Variants in PDE10A observed in about 807,000 individuals in gnomAD.
The protein encoded by PDE10A is phosphodiesterase 10A.
A neutral mutation model predicts 97.7 loss-of-function variants in PDE10A; 39 were observed. The ratio of observed to expected loss-of-function variants is 0.40; its 90% CI spans 0.31 to 0.52. The LOEUF is 0.52. Ranked by LOEUF, PDE10A falls within the 20% of genes least tolerant of loss-of-function variation. The pLI, the probability that PDE10A is intolerant of heterozygous loss-of-function variation, is 0.56. For synonymous variants in PDE10A, 371 were observed against 376.8 expected, an observed-to-expected ratio of 0.98 and a Z score of 0.18; for missense variants, 731 against 1,047.8, an observed-to-expected ratio of 0.70 and a Z score of 4.17.
chr6:165,419,737 C>T (rs1788563135), intron 10 of PDE10A, among the ~76,000 whole-genome samples: 1 of 152,158 alleles, frequency 6.6e-6, no homozygotes, highest in African/African-American at 2.4e-5. Context: ...ATTCTGGTAA[C>T]TTCAACTATC....
chr6:165,498,423 C>CCAAA (rs1780667906), intron 2 of PDE10A, among the ~76,000 whole-genome samples: 1 of 22,866 alleles, frequency 4.4e-5, no homozygotes, highest in African/African-American at 1.3e-4. Flanking sequence ...ACCCTGTCTC[C>CCAAA]AAAAAAAAAA....
At position 165,821,889 on chromosome 6, in the gene PDE10A, G is replaced by A. The variant is rs567452307; in HGVS notation, c.-615+165640C>T. Among the ~76,000 whole-genome samples, 13 of 123,160 alleles carry A rather than the reference G, an allele frequency of 1.1e-4. No individual in the cohort carries two copies. The South Asian group carries it at 3.6e-3, about 34-fold the overall frequency. 80.8% of individuals were successfully genotyped at this position (123,160 alleles called of 152,430 possible). ...ACTCATGGTCAGTTAACTGAATTGAGTGAGGTGCCGGGTTTTTTTTTCCCT... is the reference window on the plus strand; with the variant it reads ...ACTCATGGTCAGTTAACTGAATTGAATGAGGTGCCGGGTTTTTTTTTCCCT... On this transcript the variant is annotated intron_variant, in intron 1 of 19. Transcript: ENST00000366882.
chr6:165,515,368 AAAT>A (rs1268300440), intron 2 of PDE10A, among the ~76,000 whole-genome samples: 1 of 152,098 alleles, frequency 6.6e-6, no homozygotes, highest in Non-Finnish European at 1.5e-5. Flanking sequence ...AACATCCAAT[AAAT>A]AATTACATGA....
chr6:165,926,048 TA>T (rs1782925418), intron 1 of PDE10A, among the ~76,000 whole-genome samples: 1 of 152,226 alleles, frequency 6.6e-6, no homozygotes, highest in Non-Finnish European at 1.5e-5. Context: ...TTTCTTAAAA[TA>T]AAAGTTTAAA....
intron 2 of PDE10A, among the ~76,000 whole-genome samples, chr6:165,516,808 C>T (rs1450996281): frequency 1.3e-5 from 2 of 152,016 alleles, no homozygotes; most frequent in Non-Finnish European, 2.9e-5. Flanking sequence ...TCCCTTTAAC[C>T]ATGTTCTTAC....
Position 165,661,608 on chromosome 6 carries a change from C to A in PDE10A, c.865+339G>T. 1 of 289,480 alleles carries A rather than the reference C, an allele frequency of 3.5e-6. No individual in the cohort carries two copies. Among genetic ancestry groups the A allele is most frequent in the East Asian group, 7.4e-5 (1 of 13,594 alleles). 17.9% of individuals were successfully genotyped at this position (289,480 alleles called of 1,614,324 possible). The stretch of plus-strand genomic sequence containing the variant: ...GTGGTCACAAAGTTGAGTATAAATA[C>A]GCGCCGGACAAGTGTGGCCAGAAAC... On this transcript the variant is annotated intron_variant, in intron 1 of 21. Coordinates refer to ENST00000539869, the MANE Select transcript of PDE10A (RefSeq NM_001385079.1). The surrounding 1 kb of genome is among the most constrained non-coding windows in gnomAD (Gnocchi z 4.8).
intron 18 of PDE10A, among the ~76,000 whole-genome samples, chr6:165,351,027 C>T (rs771931117): frequency 6.6e-6 from 1 of 152,074 alleles, no homozygotes; most frequent in Non-Finnish European, 1.5e-5. Flanking sequence ...TCTAGGATCC[C>T]AAATTCACTT....
At chr6:165,806,704 T>A (rs1380707588) in intron 1 of PDE10A, among the ~76,000 whole-genome samples, 3 of 151,400 alleles carry the variant, frequency 2.0e-5, no homozygotes, top group African/African-American at 7.3e-5. Flanking sequence ...GTGCAGCCAA[T>A]GTGACTTGCT....
At chr6:165,794,121 A>G (rs1052225976) in intron 1 of PDE10A, among the ~76,000 whole-genome samples, 1 of 151,370 alleles carries the variant, frequency 6.6e-6, no homozygotes, top group African/African-American at 2.4e-5. Flanking sequence ...AGGCATACAC[A>G]CACACACACA....
intron 5 of PDE10A, among the ~76,000 whole-genome samples, chr6:165,437,548 TA>T (rs1198902547): frequency 2.6e-5 from 4 of 152,014 alleles, no homozygotes; most frequent in Non-Finnish European, 5.9e-5. Context: ...TCTATGTAGT[TA>T]AAAAAAATTA....
chr6:165,387,232 C>A (rs997510448), intron 17 of PDE10A, among the ~76,000 whole-genome samples: 9 of 152,174 alleles, frequency 5.9e-5, no homozygotes, highest in Admixed American at 5.9e-4. Flanking sequence ...ATCTGAAACA[C>A]TTTTCACTTC....
chr6:165,469,019 C>T (rs546618947), intron 3 of PDE10A, among the ~76,000 whole-genome samples: 3 of 152,140 alleles, frequency 2.0e-5, no homozygotes, highest in Admixed American at 6.5e-5. Context: ...TAAGGTCTTG[C>T]GAAAGAGGAA....
chr6:165,692,938 C>A (rs1354342205), intron 1 of PDE10A, among the ~76,000 whole-genome samples: 2 of 152,150 alleles, frequency 1.3e-5, no homozygotes, highest in Admixed American at 6.5e-5. Flanking sequence ...AATCCTACAT[C>A]ATTTTTAGAT....
rs182731317 is a variant in PDE10A, at chr6:165,651,703, A to G, written c.865+10244T>C. ...CCCATTTAAAGGGTCTCCTCACTCC[A>G]AGGCTAGAAAGGAATTTCCTCATTT... On this transcript the variant is annotated intron_variant, in intron 1 of 21. Transcript: ENST00000539869. 7.9e-5 allele frequency among the ~76,000 whole-genome samples: 12 copies of G among 152,300 alleles called. No homozygotes were observed. In the East Asian group the frequency reaches 2.3e-3, roughly 29 times the overall value.
intron 3 of PDE10A, among the ~76,000 whole-genome samples, chr6:165,479,287 C>T (rs749653924): frequency 1.1e-4 from 17 of 152,184 alleles, no homozygotes; most frequent in Non-Finnish European, 1.5e-5. Flanking sequence ...CCTGTTTCCA[C>T]TCTTACTGTG....
intron 1 of PDE10A, among the ~76,000 whole-genome samples, chr6:165,818,816 T>C (rs1049139296): frequency 1.3e-5 from 2 of 152,158 alleles, no homozygotes; most frequent in African/African-American, 4.8e-5. Flanking sequence ...TCCTTCAAAG[T>C]GGTAGATAGA....
At position 165,644,221 on chromosome 6, in the gene PDE10A, A is replaced by G. The variant is rs1015695306; in HGVS notation, c.865+17726T>C. Among the ~76,000 whole-genome samples, 15 of 139,932 alleles carry G rather than the reference A, an allele frequency of 1.1e-4. No homozygotes were observed. In the East Asian group the frequency reaches 3.3e-3, roughly 31 times the overall value. The allele number at this position is 139,932 out of a possible 152,430, so 91.8% of individuals were successfully genotyped here. On this transcript the variant is annotated intron_variant, in intron 1 of 21. Transcript: ENST00000539869. ...CAGGCGCCCGCCACCACGCCCCGCT[A>G]ATTTTTTTTTGTATTTTTAGTAGAG... is the stretch of plus-strand genomic sequence containing the variant.
At chr6:165,619,680 TAGTGTAGTGTAGTGTAGTCC>T (rs1380044814) in intron 1 of PDE10A, among the ~76,000 whole-genome samples, 49 of 124,272 alleles carry the variant, frequency 3.9e-4, no homozygotes, top group South Asian at 7.0e-4. Flanking sequence ...TAGTGTAGTC[TAGTGTAGTGTAGTGTAGTCC>T]AGTGTAGTGT....
chr6:165,549,502 T>C (rs1783906473), intron 1 of PDE10A, among the ~76,000 whole-genome samples: 1 of 152,092 alleles, frequency 6.6e-6, no homozygotes, highest in African/African-American at 2.4e-5. Context: ...TTTTTTGTAT[T>C]TTTAGTAGAG....
Sources: allele counts gnomAD v4.1 joint callset (sites outside exome capture counted in the v4.1 genomes callset), GRCh38; gene constraint gnomAD v4.1.1; non-coding constraint Gnocchi (gnomAD v3.1); transcripts MANE v1.5; gene names NCBI Gene and HGNC (gene_info 2026-07-23, HGNC 2026-07-21).